Variants in FOXK1 observed in about 807,000 individuals in gnomAD.
FOXK1 encodes the protein forkhead box K1.
A neutral mutation model predicts 51.9 loss-of-function variants in FOXK1; 19 were observed. The ratio of observed to expected loss-of-function variants is 0.37; its 90% CI spans 0.26 to 0.54. The LOEUF is 0.54. Ranked by LOEUF, FOXK1 falls within the 20% of genes least tolerant of loss-of-function variation. FOXK1 has a pLI of 0.87. For synonymous variants in FOXK1, 537 were observed against 482.6 expected, an observed-to-expected ratio of 1.11 and a Z score of -1.48; for missense variants, 870 against 1,032.7, an observed-to-expected ratio of 0.84 and a Z score of 2.16.
intron 1 of FOXK1, among the ~76,000 whole-genome samples, chr7:4,705,985 T>TATAC (rs1562373037): frequency 4.2e-5 from 4 of 95,892 alleles, no homozygotes; most frequent in African/African-American, 3.1e-4. Context: ...TATATATACG[T>TATAC]ATATATACGT....
intron 7 of FOXK1, among the ~76,000 whole-genome samples, chr7:4,760,576 C>T (rs974185541): frequency 2.6e-5 from 4 of 152,168 alleles, no homozygotes; most frequent in African/African-American, 7.2e-5. Flanking sequence ...CTAGGCCGGG[C>T]GCGGTGGCTC....
At position 4,730,464 on chromosome 7, in the gene FOXK1, C is replaced by T. The variant is rs770101191; in HGVS notation, c.561-10374C>T. Among the ~76,000 whole-genome samples, 1 of 152,202 alleles carries T rather than the reference C, an allele frequency of 6.6e-6. No homozygotes were observed. The highest frequency in any genetic ancestry group is 1.5e-5 in the Non-Finnish European group (1 of 68,048). On this transcript the variant is annotated intron_variant, in intron 1 of 8. Coordinates refer to ENST00000328914, the MANE Select transcript of FOXK1 (RefSeq NM_001037165.2). This position sits in a 1 kb window ranked among gnomAD's most constrained non-coding sequence, Gnocchi z 4.7. ...GCAGCTCTGGTTCCTGGAGGAGGGACGCAGGCCCAGTGGAGAGGGCGTGGT... is the reference window on the plus strand; with the variant it reads ...GCAGCTCTGGTTCCTGGAGGAGGGATGCAGGCCCAGTGGAGAGGGCGTGGT...
chr7:4,729,139 C>G lies in FOXK1; in HGVS notation c.561-11699C>G, dbSNP rs916301542. ...TTAAAGAGCCTAGTCCATCTTTACG[C>G]GGTCTTTTTACGTCTGTTTAAGCCA... is the stretch of plus-strand genomic sequence containing the variant. On this transcript the variant is annotated intron_variant, in intron 1 of 8. Coordinates refer to ENST00000328914, the MANE Select transcript of FOXK1 (RefSeq NM_001037165.2). The surrounding 1 kb of genome is among the most constrained non-coding windows in gnomAD (Gnocchi z 6.2). Among the ~76,000 whole-genome samples, 1 of 152,166 alleles carries G rather than the reference C, an allele frequency of 6.6e-6. No individual in the cohort carries two copies. Among genetic ancestry groups the G allele is most frequent in the African/African-American group, 2.4e-5 (1 of 41,430 alleles).
chr7:4,708,827 G>C (rs1780138236), intron 1 of FOXK1, among the ~76,000 whole-genome samples: 1 of 152,192 alleles, frequency 6.6e-6, no homozygotes, highest in Non-Finnish European at 1.5e-5. Flanking sequence ...CACTTTGGGA[G>C]GCTGAGGCGG....
chr7:4,748,565 A>G lies in FOXK1; in HGVS notation c.747-5894A>G, dbSNP rs1562388054. On this transcript the variant is annotated intron_variant, in intron 2 of 8. Coordinates refer to ENST00000328914, the MANE Select transcript of FOXK1 (RefSeq NM_001037165.2). The surrounding 1 kb of genome is among the most constrained non-coding windows in gnomAD (Gnocchi z 4.9). ...CTCTGACCATGGGATCATCTTCTCC[A>G]CCATCCTGGGAATCCCCTCAGGAGG... 6.6e-6 allele frequency among the ~76,000 whole-genome samples: 1 copy of G among 152,006 alleles called. No individual in the cohort carries two copies. Among genetic ancestry groups the G allele is most frequent in the Non-Finnish European group, 1.5e-5 (1 of 68,000 alleles).
At chr7:4,700,189 C>T (rs972029106) in intron 1 of FOXK1, among the ~76,000 whole-genome samples, 41 of 152,176 alleles carry the variant, frequency 2.7e-4, no homozygotes, top group African/African-American at 9.4e-4. Flanking sequence ...ATCTGAGACA[C>T]CTGAGTTTTG....
rs1312753312 is a variant in FOXK1, at chr7:4,711,518, T to C, written c.560+28650T>C. Reference sequence around the variant, plus strand: ...GGCAAGTGAAGAGTGTGAAGAGGTGTGCCCCATCCCATGGCCACTGGAGAA... The same window carrying C: ...GGCAAGTGAAGAGTGTGAAGAGGTGCGCCCCATCCCATGGCCACTGGAGAA... On this transcript the variant is annotated intron_variant, in intron 1 of 8. Coordinates refer to ENST00000328914, the MANE Select transcript of FOXK1 (RefSeq NM_001037165.2). This position sits in a 1 kb window ranked among gnomAD's most constrained non-coding sequence, Gnocchi z 6.3. Among the ~76,000 whole-genome samples the C allele has an allele frequency of 6.6e-6, 1 of 152,126 alleles. No individual in the cohort carries two copies.
rs560545878 is a variant in FOXK1, at chr7:4,763,282, C to G, written c.*818C>G. On this transcript the variant is annotated 3_prime_UTR_variant, in exon 9 of 9. Coordinates refer to ENST00000328914, the MANE Select transcript of FOXK1 (RefSeq NM_001037165.2). ...AAGGTTCCTAGGATGAAAGGTGAGC[C>G]TGGATCCGCCGGCCGCAGACATCGC... 1 of 152,332 alleles carries G rather than the reference C, an allele frequency of 6.6e-6. No homozygotes were observed. The highest frequency in any genetic ancestry group is 2.4e-5 in the African/African-American group (1 of 41,576). The allele number at this position is 152,332 out of a possible 1,614,324, so 9.4% of individuals were successfully genotyped here.
chr7:4,769,766 C>T lies in FOXK1; in HGVS notation c.*7302C>T, dbSNP rs973730238. 1 of 152,192 alleles carries T rather than the reference C, an allele frequency of 6.6e-6. No homozygotes were observed. Among genetic ancestry groups the T allele is most frequent in the African/African-American group, 2.4e-5 (1 of 41,422 alleles). 9.4% of individuals were successfully genotyped at this position (152,192 alleles called of 1,614,324 possible). On this transcript the variant is annotated 3_prime_UTR_variant, in exon 9 of 9. Transcript: ENST00000328914. The surrounding 1 kb of genome is among the most constrained non-coding windows in gnomAD (Gnocchi z 4.1). ...TCTGTCACTTTTTTTGCTCCTTACCCAGTTTTTGTTTTTTGTTGTTTTGTT... is the reference window on the plus strand; with the variant it reads ...TCTGTCACTTTTTTTGCTCCTTACCTAGTTTTTGTTTTTTGTTGTTTTGTT...
intron 1 of FOXK1, among the ~76,000 whole-genome samples, chr7:4,685,111 G>A (rs1326011425): frequency 6.6e-6 from 1 of 151,438 alleles, no homozygotes; most frequent in East Asian, 1.9e-4. Context: ...GCACATGTGA[G>A]CAATATCTAT....
intron 1 of FOXK1, among the ~76,000 whole-genome samples, chr7:4,692,448 G>C (rs1779904677): frequency 1.3e-5 from 2 of 152,112 alleles, no homozygotes; most frequent in African/African-American, 2.4e-5. Flanking sequence ...AGGCTGGAGG[G>C]GCAGTGGCAC....
chr7:4,708,151 G>GA (rs1306230252), intron 1 of FOXK1, among the ~76,000 whole-genome samples: 1 of 152,104 alleles, frequency 6.6e-6, no homozygotes, highest in Non-Finnish European at 1.5e-5. Context: ...TGTGCTCTTT[G>GA]AAGGGCCCGA....
At chr7:4,693,842 G>A (rs1160751322) in intron 1 of FOXK1, among the ~76,000 whole-genome samples, 1 of 151,422 alleles carries the variant, frequency 6.6e-6, no homozygotes, top group Non-Finnish European at 1.5e-5. Flanking sequence ...GCTCAGGTGT[G>A]AGCCACCTCA....
chr7:4,737,552 C>CTGTGTGTGTGTGTGTG lies in FOXK1; in HGVS notation c.561-3279_561-3264dup, dbSNP rs146678822. Among the ~76,000 whole-genome samples the CTGTGTGTGTGTGTGTG allele has an allele frequency of 1.2e-3, 184 of 148,982 alleles. 1 individual carries two copies. The highest frequency in any genetic ancestry group is 4.2e-3 in the African/African-American group (173 of 40,714). On this transcript the variant is annotated intron_variant, in intron 1 of 8. Transcript: ENST00000328914. The stretch of plus-strand genomic sequence containing the variant: ...TGCATTCATGCACGTGTGTGCGTGC[C>CTGTGTGTGTGTGTGTG]TGTGTGTGTGTGTGTGTGTGTGCAT...
chr7:4,701,483 T>C (rs1052028147), intron 1 of FOXK1, among the ~76,000 whole-genome samples: 7 of 152,116 alleles, frequency 4.6e-5, no homozygotes, highest in Non-Finnish European at 1.0e-4. Context: ...TGACCGGGCG[T>C]GGTGGCTCAC....
chr7:4,754,673 C>A, intron 3 of FOXK1, 58 bp downstream of exon 3: 3 of 1,555,244 alleles, frequency 1.9e-6, no homozygotes, highest in Non-Finnish European at 2.6e-6. Flanking sequence ...GCCATAGTGA[C>A]CCGGCGCGGG....
chr7:4,741,287 GTTGTTTT>G (rs1371768667), intron 2 of FOXK1, among the ~76,000 whole-genome samples: 2 of 151,646 alleles, frequency 1.3e-5, no homozygotes, highest in African/African-American at 4.9e-5. Flanking sequence ...AGGTTTTTTT[GTTGTTTT>G]TTGTTTTTTT....
chr7:4,699,356 G>A (rs1331114875), intron 1 of FOXK1, among the ~76,000 whole-genome samples: 3 of 148,284 alleles, frequency 2.0e-5, no homozygotes, highest in Non-Finnish European at 1.5e-5. Context: ...GACTCGTGGG[G>A]TCCTTATCCA....
At chr7:4,706,981 G>C (rs10275688) in intron 1 of FOXK1, among the ~76,000 whole-genome samples, 27,245 of 152,206 alleles carry the variant, frequency 0.18, 6,303 homozygotes, top group African/African-American at 0.54. Context: ...CTACCCTTGT[G>C]CAGGAAATAA....
Sources: gnomAD v4.1 joint callset for allele counts (sites outside exome capture counted in the v4.1 genomes callset) on GRCh38, gnomAD v4.1.1 for gene constraint, Gnocchi (gnomAD v3.1) non-coding constraint, MANE v1.5 for transcripts, NCBI Gene and HGNC (gene_info 2026-07-23, HGNC 2026-07-21) for gene names.